NRG1: variants seen among roughly 807,000 people sequenced by gnomAD.
NRG1 encodes neuregulin 1.
Under a neutral mutation model 63.8 loss-of-function variants are expected in NRG1, and 18 were observed. The ratio of observed to expected loss-of-function variants is 0.28; its 90% CI spans 0.19 to 0.42. The LOEUF (loss-of-function observed/expected upper bound fraction) is 0.42. Ranked by LOEUF, NRG1 falls within the 10% of genes least tolerant of loss-of-function variation. The probability of loss-of-function intolerance (pLI) is 1.00; values close to 1 mark genes in which losing one functional copy is unlikely to be tolerated. For synonymous variants in NRG1, 302 were observed against 301.3 expected (o/e 1.00, Z -0.02); for missense variants, 762 against 814.7 (o/e 0.94, Z 0.79).
intron 5 of NRG1, among the ~76,000 whole-genome samples, chr8:32,700,382 A>C (rs1294363104): frequency 1.3e-5 from 2 of 152,038 alleles, no homozygotes; most frequent in Non-Finnish European, 2.9e-5. Context: ...TGATATAAAC[A>C]AAAAAATCAA....
intron 1 of NRG1, among the ~76,000 whole-genome samples, chr8:32,051,890 A>G (rs1475078664): frequency 6.6e-6 from 1 of 152,198 alleles, no homozygotes; most frequent in Non-Finnish European, 1.5e-5. Context: ...AGAGAAGTTC[A>G]TATTTGCAGC....
intron 1 of NRG1, among the ~76,000 whole-genome samples, chr8:31,659,286 A>G (rs1805733166): frequency 6.6e-6 from 1 of 151,674 alleles, no homozygotes. Context: ...ATGGAGAAAG[A>G]AAAAAAACAA....
chr8:32,255,878 C>T (rs1394429687), intron 1 of NRG1, among the ~76,000 whole-genome samples: 1 of 152,148 alleles, frequency 6.6e-6, no homozygotes, highest in Non-Finnish European at 1.5e-5. Context: ...TTCACGTAGT[C>T]CCATATTTCT....
chr8:31,913,278 C>T (rs548403152), intron 1 of NRG1, among the ~76,000 whole-genome samples: 19 of 152,144 alleles, frequency 1.2e-4, no homozygotes, highest in African/African-American at 3.6e-4. Flanking sequence ...ATAAGTGAAC[C>T]GGTGTGCTCT....
At chr8:32,727,454 CCAACTTGT>C (rs1238069213) in intron 5 of NRG1, among the ~76,000 whole-genome samples, 1 of 152,052 alleles carries the variant, frequency 6.6e-6, no homozygotes, top group Non-Finnish European at 1.5e-5. Context: ...AACAAATAAG[CCAACTTGT>C]GTTTCTTTTT....
At chr8:32,416,964 C>T (rs1816008967) in intron 1 of NRG1, among the ~76,000 whole-genome samples, 1 of 152,142 alleles carries the variant, frequency 6.6e-6, no homozygotes, top group African/African-American at 2.4e-5. Context: ...GAGATACAGG[C>T]ATGAAGTCAC....
At chr8:31,823,986 T>A (rs1464516997) in intron 1 of NRG1, among the ~76,000 whole-genome samples, 1 of 152,172 alleles carries the variant, frequency 6.6e-6, no homozygotes, top group Non-Finnish European at 1.5e-5. Flanking sequence ...GATTGTAAGC[T>A]TTTAGCAGTT....
intron 1 of NRG1, among the ~76,000 whole-genome samples, chr8:31,881,611 GC>G (rs1392396451): frequency 3.3e-5 from 5 of 152,172 alleles, no homozygotes. Flanking sequence ...GCTGAGATAG[GC>G]CAATAGCTAG....
At chr8:32,147,860 T>C (rs1837056105) in intron 1 of NRG1, among the ~76,000 whole-genome samples, 1 of 152,184 alleles carries the variant, frequency 6.6e-6, no homozygotes, top group Non-Finnish European at 1.5e-5. Context: ...CAGCATTATC[T>C]TTATTTTTTT....
At chr8:31,693,638 T>G (rs1809761268) in intron 1 of NRG1, among the ~76,000 whole-genome samples, 1 of 152,188 alleles carries the variant, frequency 6.6e-6, no homozygotes, top group Non-Finnish European at 1.5e-5. Flanking sequence ...AGGGACGGCT[T>G]TCCTGTAGAA....
At chr8:32,555,799 G>T (rs969179896) in intron 1 of NRG1, among the ~76,000 whole-genome samples, 1 of 152,162 alleles carries the variant, frequency 6.6e-6, no homozygotes, top group Non-Finnish European at 1.5e-5. Flanking sequence ...GGTCACACAG[G>T]CCTTGTTATT....
At chr8:32,174,840 A>C (rs1172345754) in intron 1 of NRG1, among the ~76,000 whole-genome samples, 1 of 152,208 alleles carries the variant, frequency 6.6e-6, no homozygotes, top group Non-Finnish European at 1.5e-5. Flanking sequence ...GCAATAATTA[A>C]TAGCTTACCA....
chr8:32,485,806 A>G (rs1186452403), intron 1 of NRG1, among the ~76,000 whole-genome samples: 1 of 152,194 alleles, frequency 6.6e-6, no homozygotes, highest in Non-Finnish European at 1.5e-5. Flanking sequence ...TTCAAATCTC[A>G]TAATACGTCT....
At chr8:32,173,523 C>A (rs1241673077) in intron 1 of NRG1, among the ~76,000 whole-genome samples, 1 of 151,980 alleles carries the variant, frequency 6.6e-6, no homozygotes, top group Non-Finnish European at 1.5e-5. Flanking sequence ...GCTAAATGCT[C>A]CAATTAAAAG....
intron 1 of NRG1, among the ~76,000 whole-genome samples, chr8:31,668,835 C>A (rs949573904): frequency 1.6e-4 from 24 of 152,130 alleles, no homozygotes; most frequent in Non-Finnish European, 1.5e-5. Context: ...CAGCATAGAA[C>A]AGTTTGGCTG....
At chr8:32,100,611 C>A (rs777282209) in intron 1 of NRG1, among the ~76,000 whole-genome samples, 6 of 151,548 alleles carry the variant, frequency 4.0e-5, no homozygotes, top group Non-Finnish European at 5.9e-5. Flanking sequence ...TGGCTTTAGA[C>A]ACACACACAA....
intron 1 of NRG1, among the ~76,000 whole-genome samples, chr8:32,059,835 A>T (rs1823554722): frequency 6.6e-6 from 1 of 151,774 alleles, no homozygotes; most frequent in African/African-American, 2.4e-5. Context: ...TCTTTTCTTT[A>T]ATATGTTCTC....
In NRG1 at chr8:31,760,343, G is replaced by A. The variant is rs151293966; in HGVS notation, c.37+120912G>A. Among the ~76,000 whole-genome samples the A allele has an allele frequency of 3.9e-3, 600 of 152,164 alleles. 1 individual carries two copies. Among genetic ancestry groups the A allele is most frequent in the Middle Eastern group, 0.02 (6 of 294 alleles). On this transcript the variant is annotated intron_variant, in intron 1 of 10. Transcript: ENST00000519301. ...ATTGCTTGTTTTTCTCAGGTTTGTCGAAGATCAGATAGTTGTAGATATGCT... is the reference window on the plus strand; with the variant it reads ...ATTGCTTGTTTTTCTCAGGTTTGTCAAAGATCAGATAGTTGTAGATATGCT...
At chr8:32,219,507 G>T (rs1845592469) in intron 1 of NRG1, among the ~76,000 whole-genome samples, 1 of 152,130 alleles carries the variant, frequency 6.6e-6, no homozygotes. Flanking sequence ...CCAGTTTTCA[G>T]TTCCTATAAT....
Sources: gnomAD v4.1 joint callset for allele counts (sites outside exome capture counted in the v4.1 genomes callset) on GRCh38, gnomAD v4.1.1 for gene constraint, MANE v1.5 for transcripts, NCBI Gene and HGNC (gene_info 2026-07-23, HGNC 2026-07-21) for gene names.